SCN8A: variants seen among roughly 807,000 people sequenced by gnomAD.
SCN8A encodes sodium channel protein type 8 subunit alpha.
A neutral mutation model predicts 184.1 loss-of-function variants in SCN8A; 30 were observed. The ratio of observed to expected loss-of-function variants is 0.16; its 90% confidence interval spans 0.12 to 0.22. SCN8A has a LOEUF of 0.22. Among genes scored for constraint, SCN8A ranks in the 10% least tolerant of loss-of-function variants. The pLI is 1.00. For missense variants in SCN8A, 1,057 were observed against 2,498.9 expected (o/e 0.42, Z 12.30); for synonymous variants, 852 against 907.0 (o/e 0.94, Z 1.09).
intron 6 of SCN8A, among the ~76,000 whole-genome samples, chr12:51,695,984 T>TCC (rs1253542992): frequency 6.6e-6 from 1 of 152,178 alleles, no homozygotes; most frequent in Non-Finnish European, 1.5e-5. Context: ...GTCAAAGAGC[T>TCC]CCCAGCCCAG....
chr12:51,794,193 T>C (rs557130273), intron 25 of SCN8A, among the ~76,000 whole-genome samples, 178 bp from the exon 26 acceptor site: 1 of 152,150 alleles, frequency 6.6e-6, no homozygotes, highest in Admixed American at 6.5e-5. Context: ...TTTGGAAAGC[T>C]CTTGGTGAGG....
At chr12:51,758,307 A>G (rs1315256668) in intron 14 of SCN8A, among the ~76,000 whole-genome samples, 4 of 152,246 alleles carry the variant, frequency 2.6e-5, no homozygotes, top group Admixed American at 6.5e-5. Context: ...AAATATCACA[A>G]TAATACACCT....
chr12:51,712,552 T>A, intron 11 of SCN8A: 1 of 776,672 alleles, frequency 1.3e-6, no homozygotes. Flanking sequence ...CACCAAAACT[T>A]CCCCCTTTCA....
intron 18 of SCN8A, 83 bp downstream of exon 18, chr12:51,770,068 G>C: frequency 1.1e-6 from 1 of 935,650 alleles, no homozygotes; most frequent in Non-Finnish European, 1.7e-6. Context: ...TGGTGGGTGA[G>C]GGGCAGCTCA....
chr12:51,634,656 A>T (rs61488926), intron 1 of SCN8A, among the ~76,000 whole-genome samples: 16,968 of 136,472 alleles, frequency 0.12, 1,240 homozygotes, highest in African/African-American at 0.16. Context: ...TATTATTATT[A>T]TTTTTTTTTT....
At chr12:51,650,830 G>T (rs903667183) in intron 1 of SCN8A, among the ~76,000 whole-genome samples, 1 of 152,210 alleles carries the variant, frequency 6.6e-6, no homozygotes, top group African/African-American at 2.4e-5. Context: ...CAGAAATATA[G>T]AAGTGTGAAG....
chr12:51,617,010 T>A (rs1272568556), intron 1 of SCN8A, among the ~76,000 whole-genome samples: 3 of 152,184 alleles, frequency 2.0e-5, no homozygotes, highest in Non-Finnish European at 4.4e-5. Context: ...GTGTAATGTA[T>A]CCTTTTTCTC....
At chr12:51,694,188 C>T (rs1941557387) in intron 6 of SCN8A, among the ~76,000 whole-genome samples, 3 of 152,334 alleles carry the variant, frequency 2.0e-5, no homozygotes, top group Admixed American at 1.3e-4. Flanking sequence ...CCACCTTGGC[C>T]TCCCAAAGTG....
chr12:51,591,741 A>G (rs1357571072), intron 1 of SCN8A, among the ~76,000 whole-genome samples: 1 of 151,922 alleles, frequency 6.6e-6, no homozygotes, highest in Non-Finnish European at 1.5e-5. Flanking sequence ...GCCGGCTTGC[A>G]CTGGGAAGGG....
At chr12:51,805,449 A>G (rs1212073887) in intron 26 of SCN8A, among the ~76,000 whole-genome samples, 1 of 151,830 alleles carries the variant, frequency 6.6e-6, no homozygotes, top group African/African-American at 2.4e-5. Flanking sequence ...TAAATAAGAC[A>G]GAAACAGTAT....
At chr12:51,782,867 C>T (rs916261710) in intron 21 of SCN8A, among the ~76,000 whole-genome samples, 3 of 152,192 alleles carry the variant, frequency 2.0e-5, no homozygotes, top group Admixed American at 2.0e-4. Flanking sequence ...TTTCATTTGT[C>T]AACTTGAAAG....
At chr12:51,598,380 G>C (rs578091071) in intron 1 of SCN8A, among the ~76,000 whole-genome samples, 157 of 152,220 alleles carry the variant, frequency 1.0e-3, no homozygotes, top group African/African-American at 3.5e-3. Context: ...ACCTTGGGAA[G>C]GTGGTTTTTG....
chr12:51,684,318 G>A (rs768692061), intron 3 of SCN8A, 26 bp downstream of exon 3: 26 of 1,085,764 alleles, frequency 2.4e-5, no homozygotes, highest in Non-Finnish European at 3.4e-5. Context: ...AATGTGGAGT[G>A]AGTGCGGCAA....
intron 9 of SCN8A, among the ~76,000 whole-genome samples, chr12:51,704,670 CAAA>C (rs34946747): frequency 1.7e-4 from 16 of 93,084 alleles, no homozygotes; most frequent in Non-Finnish European, 1.8e-4. Context: ...ACTCCACCTA[CAAA>C]AAAAAAAAAA....
At chr12:51,720,292 C>G (rs1374153289) in intron 11 of SCN8A, among the ~76,000 whole-genome samples, 1 of 150,114 alleles carries the variant, frequency 6.7e-6, no homozygotes, top group Non-Finnish European at 1.5e-5. Context: ...AGGATGAGTT[C>G]ACGTCCTTTG....
At chr12:51,798,821 C>T (rs1592169865) in intron 26 of SCN8A, among the ~76,000 whole-genome samples, 2 of 152,332 alleles carry the variant, frequency 1.3e-5, no homozygotes, top group Admixed American at 1.3e-4. Context: ...GAGGTCCATC[C>T]ACATACCTCT....
intron 12 of SCN8A, among the ~76,000 whole-genome samples, chr12:51,732,103 G>C (rs1942252936): frequency 6.6e-6 from 1 of 152,106 alleles, no homozygotes; most frequent in East Asian, 1.9e-4. Context: ...TTTTGCTTTG[G>C]TTGGCTGTGC....
intron 14 of SCN8A, among the ~76,000 whole-genome samples, chr12:51,761,741 G>T (rs907143260): frequency 6.6e-6 from 1 of 151,834 alleles, no homozygotes; most frequent in Non-Finnish European, 1.5e-5. Flanking sequence ...TGCCTGCCTC[G>T]ACCACCAGAA....
chr12:51,652,669 A>G (rs1940741524), intron 1 of SCN8A, among the ~76,000 whole-genome samples: 1 of 152,076 alleles, frequency 6.6e-6, no homozygotes, highest in African/African-American at 2.4e-5. Flanking sequence ...TCTTCCTGCA[A>G]AGCTCTACCC....
Sources: gnomAD v4.1 joint callset for allele counts (sites outside exome capture counted in the v4.1 genomes callset) on GRCh38, gnomAD v4.1.1 for gene constraint, MANE v1.5 for transcripts, NCBI Gene and HGNC (gene_info 2026-07-23, HGNC 2026-07-21) for gene names.